Variants in PREX2 observed in about 807,000 individuals in gnomAD.
PREX2 encodes phosphatidylinositol-3,4,5-trisphosphate dependent Rac exchange factor 2.
Under a neutral mutation model 203.2 loss-of-function variants are expected in PREX2, and 107 were observed. The ratio of observed to expected loss-of-function variants is 0.53; its 90% CI spans 0.45 to 0.62. The LOEUF (loss-of-function observed/expected upper bound fraction) is 0.62. PREX2 is among the 20% of genes least tolerant of loss of function. The probability of loss-of-function intolerance (pLI) is 0.00; values close to 1 mark genes in which losing one functional copy is unlikely to be tolerated. For missense variants in PREX2, 1,777 were observed against 1,955.9 expected (o/e 0.91, Z 1.72); for synonymous variants, 672 against 663.6 (o/e 1.01, Z -0.19).
At chr8:68,126,358 C>T (rs185202754) in intron 30 of PREX2, among the ~76,000 whole-genome samples, 1 of 152,200 alleles carries the variant, frequency 6.6e-6, no homozygotes, top group African/African-American at 2.4e-5. Context: ...TTATATTTTA[C>T]ACAGACCTGT....
chr8:68,022,009 C>A, intron 3 of PREX2, 27 bp from the exon 4 acceptor site: 1 of 1,043,306 alleles, frequency 9.6e-7, no homozygotes, highest in Non-Finnish European at 1.5e-6. Context: ...AATAAAATGA[C>A]TAATTTATTC....
chr8:67,988,846 C>T (rs1806515016), intron 1 of PREX2, among the ~76,000 whole-genome samples: 1 of 152,216 alleles, frequency 6.6e-6, no homozygotes. Flanking sequence ...GACTGTGAGA[C>T]TCAGCTCCAG....
chr8:68,215,892 C>T (rs1166436201), intron 37 of PREX2, among the ~76,000 whole-genome samples: 1 of 152,132 alleles, frequency 6.6e-6, no homozygotes, highest in Non-Finnish European at 1.5e-5. Context: ...CCTTCATTGG[C>T]ATAGGCTGTT....
rs192261721 is a variant in PREX2, at chr8:68,174,895, A to C, written c.4347-16827A>C. On this transcript the variant is annotated intron_variant, in intron 35 of 39. Transcript: ENST00000288368. ...CAGACGGGTCTTCCTAGCTCCTTCC[A>C]TTCTGTTTTGTGAACTATTCTTTAT... Among the ~76,000 whole-genome samples, 218 of 152,336 alleles carry C rather than the reference A, an allele frequency of 1.4e-3. 1 individual carries two copies. Among genetic ancestry groups the C allele is most frequent in the African/African-American group, 4.9e-3 (205 of 41,572 alleles).
Position 68,120,247 on chromosome 8 carries a change from G to C in PREX2, c.3556G>C (p.Asp1186His). The C allele has an allele frequency of 6.2e-7, 1 of 1,613,852 alleles. No individual in the cohort carries two copies. Among genetic ancestry groups the C allele is most frequent in the Non-Finnish European group, 8.5e-7 (1 of 1,179,812 alleles). Reference sequence around the variant, plus strand: ...AGGGCAGGCTGTTGTGAGGGCCTTTGACCAAACCAAGTATCTCACTCCAGG... The same window carrying C: ...AGGGCAGGCTGTTGTGAGGGCCTTTCACCAAACCAAGTATCTCACTCCAGG... ...LKGQAVVRAF[D>H]QTKYLTPGRG... The change falls in exon 29 of 40, where the codon GAC becomes CAC. Residue 1186 changes from aspartate to histidine, a missense_variant. Transcript: ENST00000288368.
intron 1 of PREX2, among the ~76,000 whole-genome samples, chr8:67,988,213 C>T (rs1398070569): frequency 1.3e-5 from 2 of 152,196 alleles, no homozygotes; most frequent in Non-Finnish European, 2.9e-5. Flanking sequence ...AGCCTCTTCC[C>T]TCACTCTGGC....
chr8:68,049,807 T>A (rs564703156), intron 8 of PREX2, among the ~76,000 whole-genome samples: 1 of 152,258 alleles, frequency 6.6e-6, no homozygotes, highest in East Asian at 1.9e-4. Context: ...AGTGTTGGAC[T>A]TTTTAATGGC....
chr8:68,177,386 T>G (rs1168787606), intron 35 of PREX2, among the ~76,000 whole-genome samples: 1 of 152,068 alleles, frequency 6.6e-6, no homozygotes, highest in African/African-American at 2.4e-5. Flanking sequence ...AGAGAGACCC[T>G]CACCCCTCAT....
Position 68,134,039 on chromosome 8 carries a change from T to C in PREX2, c.3767-20T>C. On this transcript the variant is annotated intron_variant, in intron 31 of 39. Coordinates refer to ENST00000288368, the MANE Select transcript of PREX2 (RefSeq NM_024870.4). ...CTGCAACATTTTTCGAAGCATTCTC[T>C]ATGTTCTCTTTGATCACAGATAGTG... 1 of 1,603,842 alleles carries C rather than the reference T, an allele frequency of 6.2e-7. No individual in the cohort carries two copies. Among genetic ancestry groups the C allele is most frequent in the Non-Finnish European group, 8.5e-7 (1 of 1,170,826 alleles).
intron 6 of PREX2, among the ~76,000 whole-genome samples, chr8:68,034,921 T>C (rs1431587387): frequency 1.3e-5 from 2 of 152,166 alleles, no homozygotes; most frequent in Non-Finnish European, 2.9e-5. Context: ...TATAGTCATA[T>C]AGTCTTTGTT....
intron 1 of PREX2, among the ~76,000 whole-genome samples, chr8:67,980,550 G>C (rs1015349527): frequency 1.3e-5 from 2 of 152,184 alleles, no homozygotes; most frequent in Non-Finnish European, 2.9e-5. Flanking sequence ...GTGTTTGGAG[G>C]GAACCTCCAT....
In PREX2 at chr8:68,097,099, G is replaced by A. The variant is rs370995764; in HGVS notation, c.2451G>A (p.Leu817=). Residue 817 remains leucine (L), a synonymous_variant, in exon 22 of 40, where the codon CTG becomes CTA. Transcript: ENST00000288368. ...GTCTGACAGTGGACAATGTCCACCT[G>A]GAATATGGTGTCGTGTATGAGTACG... ...HVSLTVDNVH[L]EYGVVYEYDS... 5.0e-6 allele frequency: 8 copies of A among 1,613,982 alleles called. No homozygotes were observed. The highest frequency in any genetic ancestry group is 6.8e-6 in the Non-Finnish European group (8 of 1,179,904).
rs1809233496 is a variant in PREX2, at chr8:68,072,702, A to G, written c.1569+132A>G. ...AAAGAAGTACATACAACTAATAGGAAGCAGAGTTAGGATTTGAACCTAGAT... is the reference window on the plus strand; with the variant it reads ...AAAGAAGTACATACAACTAATAGGAGGCAGAGTTAGGATTTGAACCTAGAT... On this transcript the variant is annotated intron_variant, in intron 14 of 39. Transcript: ENST00000288368. The G allele has an allele frequency of 7.6e-6, 4 of 527,622 alleles. No individual in the cohort carries two copies. The South Asian group carries it at 9.5e-5, about 13-fold the overall frequency. The allele number at this position is 527,622 out of a possible 1,614,324, so 32.7% of individuals were successfully genotyped here.
At chr8:68,019,957 A>G (rs1373230004) in intron 3 of PREX2, among the ~76,000 whole-genome samples, 1 of 152,214 alleles carries the variant, frequency 6.6e-6, no homozygotes, top group Non-Finnish European at 1.5e-5. Context: ...GCTGTTCATA[A>G]TGAATGAATT....
chr8:68,120,674 C>T (rs1810753779), intron 29 of PREX2, among the ~76,000 whole-genome samples: 1 of 152,084 alleles, frequency 6.6e-6, no homozygotes, highest in Non-Finnish European at 1.5e-5. Context: ...GCCACTCTGA[C>T]AAGTAACTAG....
chr8:68,019,812 A>G, intron 3 of PREX2, 141 bp downstream of exon 3: 1 of 737,682 alleles, frequency 1.4e-6, no homozygotes, highest in Non-Finnish European at 2.2e-6. Flanking sequence ...GGCCAATGAG[A>G]TCTTCCACTT....
chr8:68,098,927 CATATATATGTGTATATAT>C (rs1376273098), intron 22 of PREX2, among the ~76,000 whole-genome samples: 9 of 106,566 alleles, frequency 8.4e-5, no homozygotes, highest in African/African-American at 3.6e-4. Flanking sequence ...AGAAATGCTA[CATATATATGTGTATATAT>C]ATATATATAT....
intron 38 of PREX2, among the ~76,000 whole-genome samples, chr8:68,224,062 A>G (rs894817844): frequency 6.6e-6 from 1 of 152,060 alleles, no homozygotes; most frequent in Non-Finnish European, 1.5e-5. Flanking sequence ...TCTGTCTCCC[A>G]GGCTGGAGTG....
At chr8:67,983,915 G>T (rs538579355) in intron 1 of PREX2, among the ~76,000 whole-genome samples, 1 of 152,298 alleles carries the variant, frequency 6.6e-6, no homozygotes, top group Admixed American at 6.5e-5. Context: ...TTGCTGTGAA[G>T]ATTGAGGTGA....
Sources: allele counts gnomAD v4.1 joint callset (sites outside exome capture counted in the v4.1 genomes callset), GRCh38; gene constraint gnomAD v4.1.1; transcripts MANE v1.5; gene names NCBI Gene and HGNC (gene_info 2026-07-23, HGNC 2026-07-21).